The following PDCD2L variants were observed in gnomAD, a reference collection of about 807,000 sequenced individuals.
PDCD2L encodes the protein uS5 assembly chaperone PDCD2L.
A neutral mutation model predicts 40.4 loss-of-function variants in PDCD2L; 44 were observed. The observed-to-expected ratio is 1.09, with a 90% CI of 0.86 to 1.40. The LOEUF (loss-of-function observed/expected upper bound fraction) is 1.40, where lower values mean the gene tolerates loss of function less well. PDCD2L is among the 40% of genes most tolerant of loss of function. The pLI is 0.00. For synonymous variants in PDCD2L, 194 were observed against 174.6 expected (o/e 1.11, Z -0.88); for missense variants, 470 against 453.7 (o/e 1.04, Z -0.33).
chr19:34,404,906 CG>C (rs765526510), intron 2 of PDCD2L, 23 bp from the exon 3 acceptor site: 143 of 1,613,646 alleles, frequency 8.9e-5, no homozygotes, highest in Non-Finnish European at 9.3e-5. Context: ...GCAGCCCTCA[CG>C]GCCCTTTGTC....
At chr19:34,411,367 G>T (rs1568358654) in intron 4 of PDCD2L, among the ~76,000 whole-genome samples, 1 of 151,464 alleles carries the variant, frequency 6.6e-6, no homozygotes, top group East Asian at 2.0e-4. Flanking sequence ...AGCCTCCCGA[G>T]TAGCTGGGAC....
At chr19:34,418,624 G>T (rs541745275) in intron 5 of PDCD2L, among the ~76,000 whole-genome samples, 5 of 152,098 alleles carry the variant, frequency 3.3e-5, no homozygotes, top group Non-Finnish European at 7.3e-5. Context: ...TCTGATTTTG[G>T]GGGGGTAGAT....
In PDCD2L at chr19:34,413,773, C is replaced by G; in HGVS notation, c.723C>G (p.Thr241=). Residue 241 remains threonine, a synonymous_variant, in exon 5 of 7, where the codon ACC becomes ACG. Coordinates refer to ENST00000246535, the MANE Select transcript of PDCD2L (RefSeq NM_032346.2). ...ATGGTGATGAAAAATATGAGAAGAC[C>G]ATAATTAAAAGTGGAGATCAGACGT... ...PNDGDEKYEK[T]IIKSGDQTFY... 6.2e-7 allele frequency: 1 copy of G among 1,604,820 alleles called. No homozygotes were observed. Among genetic ancestry groups the G allele is most frequent in the Non-Finnish European group, 8.5e-7 (1 of 1,173,922 alleles).
intron 5 of PDCD2L, 141 bp downstream of exon 5, chr19:34,413,988 A>G (rs2075115961): frequency 1.7e-6 from 1 of 586,602 alleles, no homozygotes; most frequent in Non-Finnish European, 3.0e-6. Context: ...CCTGCTTTAT[A>G]GGACCTAATA....
At chr19:34,409,100 C>T (rs74961425) in intron 3 of PDCD2L, 61 bp from the exon 4 acceptor site, 30,730 of 1,497,068 alleles carry the variant, frequency 0.021, 392 homozygotes, top group Non-Finnish European at 0.024. Context: ...TGGCTGGAGC[C>T]GAAGGATTAG....
intron 5 of PDCD2L, among the ~76,000 whole-genome samples, chr19:34,418,272 C>G (rs923304355): frequency 6.6e-6 from 1 of 152,206 alleles, no homozygotes; most frequent in African/African-American, 2.4e-5. Context: ...CATACTTCTT[C>G]GCAAGTTCTT....
chr19:34,418,869 A>G (rs548762831), intron 5 of PDCD2L, among the ~76,000 whole-genome samples: 1 of 152,320 alleles, frequency 6.6e-6, no homozygotes, highest in South Asian at 2.1e-4. Flanking sequence ...CAAATGGCAA[A>G]TGATGTTGAG....
intron 4 of PDCD2L, among the ~76,000 whole-genome samples, chr19:34,410,762 T>TTTTATTTATTTATTTATTTA (rs1555724388): frequency 3.8e-4 from 56 of 146,320 alleles, no homozygotes; most frequent in African/African-American, 1.2e-3. Context: ...ACTTTTTATT[T>TTTTATTTATTTATTTATTTA]TTTATTTATT....
intron 5 of PDCD2L, among the ~76,000 whole-genome samples, chr19:34,416,501 C>G (rs1034990222): frequency 4.6e-5 from 7 of 152,276 alleles, no homozygotes; most frequent in African/African-American, 1.7e-4. Context: ...AAAAGCAAAG[C>G]CCAGGTATTC....
At position 34,408,953 on chromosome 19, in the gene PDCD2L, C is replaced by T. The variant is rs2075089255; in HGVS notation, c.337-208C>T. On this transcript the variant is annotated intron_variant, in intron 3 of 6. Coordinates refer to ENST00000246535, the MANE Select transcript of PDCD2L (RefSeq NM_032346.2). ...CCCTGTACTATATCTGTCACACTCACCCCAAAAAGGAAAGACAAGTATTTT... is the reference window on the plus strand; with the variant it reads ...CCCTGTACTATATCTGTCACACTCATCCCAAAAAGGAAAGACAAGTATTTT... 19 of 582,344 alleles carry T rather than the reference C, an allele frequency of 3.3e-5. No individual in the cohort carries two copies. In the East Asian group the frequency reaches 5.0e-4, roughly 15 times the overall value. The allele number at this position is 582,344 out of a possible 1,614,324, so 36.1% of individuals were successfully genotyped here.
chr19:34,426,000 G>A lies in PDCD2L; in HGVS notation c.957G>A (p.Val319=). ...TGTGGTATTTTTCAGGTCTTTCTGT[G>A]GAATTTGGAACAATTCTAGTTTACA... ...MLKSANLGLS[V]EFGTILVYTC... Residue 319 remains valine, a synonymous_variant, in exon 7 of 7, where the codon GTG becomes GTA. Coordinates refer to ENST00000246535, the MANE Select transcript of PDCD2L (RefSeq NM_032346.2). 1.2e-6 allele frequency: 2 copies of A among 1,611,478 alleles called. No individual in the cohort carries two copies. The highest frequency in any genetic ancestry group is 2.2e-5 in the South Asian group (2 of 90,414).
rs2075083490 is a variant in PDCD2L, at chr19:34,407,737, TTGTA to T, written c.337-1420_337-1417del. Among the ~76,000 whole-genome samples, 3 of 152,190 alleles carry T rather than the reference TTGTA, an allele frequency of 2.0e-5. No individual in the cohort carries two copies. The South Asian group carries it at 6.2e-4, about 32-fold the overall frequency. Reference sequence around the variant, plus strand: ...TATATGGGTGTGTACATATATGTGGTTGTATGTGATAATGTATACGTGTCTTTAT... The same window carrying T: ...TATATGGGTGTGTACATATATGTGGTTGTGATAATGTATACGTGTCTTTAT... On this transcript the variant is annotated intron_variant, in intron 3 of 6. Transcript: ENST00000246535.
rs1399955864 is a variant in PDCD2L, at chr19:34,404,676, A to G, written c.136A>G (p.Arg46Gly). 2 of 1,611,826 alleles carry G rather than the reference A, an allele frequency of 1.2e-6. No individual in the cohort carries two copies. Among genetic ancestry groups the G allele is most frequent in the Non-Finnish European group, 1.7e-6 (2 of 1,179,780 alleles). ...TGCTCTGCCCACCGTGGCTGCGCCC[A>G]GGCCCGTGTGTCAGCGCTGCGGGCA... Reference protein sequence around the residue: ...PDALPTVAAPRPVCQRCGQPL... With the variant: ...PDALPTVAAPGPVCQRCGQPL... The change falls in exon 2 of 7, where the codon AGG (arginine) becomes GGG (glycine). Residue 46 changes from arginine (R) to glycine (G), a missense_variant. Physicochemically the swap from Arg to Gly is moderately radical, Grantham distance 125. Transcript: ENST00000246535.
At chr19:34,407,597 A>C (rs2075082725) in intron 3 of PDCD2L, among the ~76,000 whole-genome samples, 1 of 151,234 alleles carries the variant, frequency 6.6e-6, no homozygotes, top group Non-Finnish European at 1.5e-5. Context: ...AAATGACAGA[A>C]TTTCCTTTTT....
chr19:34,420,316 TG>T (rs930873397), intron 5 of PDCD2L, among the ~76,000 whole-genome samples: 12 of 150,862 alleles, frequency 8.0e-5, no homozygotes, highest in African/African-American at 2.7e-4. Context: ...GTTTTTTTTT[TG>T]GTTTTTTTTT....
chr19:34,412,084 A>G (rs1406453990), intron 4 of PDCD2L, among the ~76,000 whole-genome samples: 1 of 151,320 alleles, frequency 6.6e-6, no homozygotes. Context: ...CAGTGGCTCA[A>G]TCTCAGCTCA....
At chr19:34,416,197 A>AG (rs1026246681) in intron 5 of PDCD2L, among the ~76,000 whole-genome samples, 1 of 152,284 alleles carries the variant, frequency 6.6e-6, no homozygotes, top group East Asian at 1.9e-4. Flanking sequence ...CTGGGATGGC[A>AG]GGTGTGAGCC....
Position 34,425,992 on chromosome 19 carries a change from C to G in PDCD2L, c.949C>G (p.Leu317Val). ...VSMLKSANLG[L>V]SVEFGTILVY... ...CCTGAATATGTGGTATTTTTCAGGT[C>G]TTTCTGTGGAATTTGGAACAATTCT... is the stretch of plus-strand genomic sequence containing the variant. Residue 317 changes from leucine to valine, a missense_variant and splice_region_variant, in exon 7 of 7, where the codon CTT (leucine) becomes GTT (valine). Transcript: ENST00000246535. The G allele has an allele frequency of 6.2e-7, 1 of 1,610,550 alleles. No individual in the cohort carries two copies. Among genetic ancestry groups the G allele is most frequent in the Non-Finnish European group, 8.5e-7 (1 of 1,178,762 alleles).
chr19:34,408,336 T>C (rs1015647537), intron 3 of PDCD2L, among the ~76,000 whole-genome samples: 2 of 150,946 alleles, frequency 1.3e-5, no homozygotes, highest in African/African-American at 2.4e-5. Context: ...TGTTGCTTTT[T>C]CTTTTTTTTT....
Sources: allele counts gnomAD v4.1 joint callset (sites outside exome capture counted in the v4.1 genomes callset), GRCh38; gene constraint gnomAD v4.1.1; transcripts MANE v1.5; gene names NCBI Gene and HGNC (gene_info 2026-07-23, HGNC 2026-07-21).